The following SMC2 variants were observed in gnomAD, a reference collection of about 807,000 sequenced individuals.
The protein encoded by SMC2 is structural maintenance of chromosomes 2, also known as structural maintenance of chromosomes protein 2.
SMC2 carries 41 observed loss-of-function variants against 142.6 expected under a neutral mutation model. That is an observed-to-expected ratio of 0.29 (90% CI 0.22 to 0.37). SMC2 has a LOEUF of 0.37. SMC2 is among the 10% of genes least tolerant of loss of function. The pLI, the probability that SMC2 is intolerant of heterozygous loss-of-function variation, is 1.00. For missense variants in SMC2, 1,265 were observed against 1,373.7 expected, an observed-to-expected ratio of 0.92 and a Z score of 1.25; for synonymous variants, 463 against 457.5, an observed-to-expected ratio of 1.01 and a Z score of -0.15.
At chr9:104,113,821 G>A (rs1832765527) in intron 11 of SMC2, 143 bp from the exon 12 acceptor site, 2 of 559,300 alleles carry the variant, frequency 3.6e-6, no homozygotes, top group African/African-American at 3.9e-5. Flanking sequence ...GATAGAAATA[G>A]GAAGGTTCAG....
upstream of SMC2, among the ~76,000 whole-genome samples, chr9:104,093,964 C>T (rs1316724619): frequency 6.6e-6 from 1 of 152,216 alleles, no homozygotes; most frequent in Non-Finnish European, 1.5e-5. Context: ...TAAGCCACAG[C>T]CAGCACCGCA....
At position 104,138,191 on chromosome 9, in the gene SMC2, GTAATAGTTTAATTAGACTA is replaced by G. The variant is rs533036148; in HGVS notation, c.3417+28_3417+46del. 3,792 of 1,552,468 alleles carry G rather than the reference GTAATAGTTTAATTAGACTA, an allele frequency of 2.4e-3. 11 individuals carry two copies. Among genetic ancestry groups the G allele is most frequent in the Middle Eastern group, 3.3e-3 (19 of 5,800 alleles). On this transcript the variant is annotated intron_variant, in intron 24 of 24. Transcript: ENST00000374793. The stretch of plus-strand genomic sequence containing the variant: ...GTAAGAACCAGGAAAAAAAGTCTCA[GTAATAGTTTAATTAGACTA>G]TTTTTCTAAAACCATTCTTTAGTTA...
chr9:104,124,055 A>G (rs905200241), intron 17 of SMC2, among the ~76,000 whole-genome samples: 29 of 152,324 alleles, frequency 1.9e-4, no homozygotes, highest in Non-Finnish European at 4.0e-4. Context: ...CACAATATAC[A>G]TCAGTTGTTA....
chr9:104,092,424 T>C (rs113226687), upstream of SMC2: 488 of 152,366 alleles, frequency 3.2e-3, 4 homozygotes, highest in African/African-American at 0.011. Context: ...AAAATCACTT[T>C]ATTTCACAAC....
At chr9:104,137,298 CT>C (rs1189245946) in intron 23 of SMC2, among the ~76,000 whole-genome samples, 3 of 151,718 alleles carry the variant, frequency 2.0e-5, no homozygotes, top group African/African-American at 7.3e-5. Flanking sequence ...TAAAATAAGG[CT>C]TTTTATGAAT....
chr9:104,128,680 A>G (rs1233045756), intron 20 of SMC2, among the ~76,000 whole-genome samples: 1 of 152,228 alleles, frequency 6.6e-6, no homozygotes, highest in Non-Finnish European at 1.5e-5. Context: ...ATTAACAAGG[A>G]TTGGATTCTG....
Position 104,098,458 on chromosome 9 carries a change from G to T in SMC2, c.331G>T (p.Gly111Cys), listed in dbSNP as rs1463708870. Reference protein sequence around the residue: ...ITVTRQVVIGGRNKYLINGVN... With the variant: ...ITVTRQVVIGCRNKYLINGVN... ...CTTTCTTTTATAGGTGGTTATTGGT[G>T]GTAGAAATAAATATTTAATCAATGG... is the stretch of plus-strand genomic sequence containing the variant. The change falls in exon 4 of 25, where the codon GGT becomes TGT. Residue 111 changes from glycine to cysteine, a missense_variant. This residue lies in a region of SMC2 where 168 missense variants were observed against 184.8 expected (regional missense o/e 0.91). Transcript: ENST00000374793. 7.5e-6 allele frequency: 12 copies of T among 1,589,574 alleles called. No individual in the cohort carries two copies. Among genetic ancestry groups the T allele is most frequent in the Non-Finnish European group, 1.0e-5 (12 of 1,171,098 alleles).
At chr9:104,128,126 A>G (rs1290156063) in intron 20 of SMC2, among the ~76,000 whole-genome samples, 1 of 152,152 alleles carries the variant, frequency 6.6e-6, no homozygotes, top group East Asian at 1.9e-4. Flanking sequence ...TTTTCTTATG[A>G]GTGTGTAACA....
At chr9:104,133,828 G>A (rs186471922) in intron 22 of SMC2, among the ~76,000 whole-genome samples, 1 of 152,188 alleles carries the variant, frequency 6.6e-6, no homozygotes, top group Admixed American at 6.5e-5. Context: ...TAGGAGATGA[G>A]GCATGTAGAA....
upstream of SMC2, among the ~76,000 whole-genome samples, chr9:104,089,454 T>C (rs1013603590): frequency 8.5e-5 from 13 of 152,066 alleles, no homozygotes; most frequent in African/African-American, 3.1e-4. Flanking sequence ...AGGAGAACTA[T>C]GAAATGAGAA....
intron 15 of SMC2, among the ~76,000 whole-genome samples, chr9:104,119,618 T>C (rs555936241): frequency 2.0e-5 from 3 of 152,334 alleles, no homozygotes; most frequent in African/African-American, 4.8e-5. Flanking sequence ...TAGTCGTCTC[T>C]GTCTTGAACA....
chr9:104,099,666 A>G lies in SMC2; in HGVS notation c.464A>G (p.Asn155Ser). Residue 155 changes from asparagine to serine, a missense_variant, in exon 5 of 25, where the codon AAT becomes AGT. Transcript: ENST00000374793. ...CAGGGCCGAATTACAAAAGTATTGAATATGAAACCTCCAGAGGTAAGAGTA... is the reference window on the plus strand; with the variant it reads ...CAGGGCCGAATTACAAAAGTATTGAGTATGAAACCTCCAGAGGTAAGAGTA... ...IMQGRITKVL[N>S]MKPPEILSMI... is the part of the protein sequence containing the mutation. 3.2e-6 allele frequency: 5 copies of G among 1,569,300 alleles called. No homozygotes were observed. In the South Asian group the frequency reaches 4.4e-5, roughly 14 times the overall value.
upstream of SMC2, chr9:104,092,693 TAAAC>T (rs1162605298): frequency 1.3e-5 from 2 of 152,190 alleles, no homozygotes; most frequent in East Asian, 1.9e-4. Context: ...AATCCTTTCT[TAAAC>T]AAAAAACCCA....
upstream of SMC2, among the ~76,000 whole-genome samples, chr9:104,090,416 G>A (rs770552622): frequency 2.7e-4 from 41 of 152,038 alleles, no homozygotes; most frequent in Admixed American, 3.3e-4. Flanking sequence ...AAAACCTGGA[G>A]CCTTAGGAAT....
chr9:104,107,611 C>T (rs1385309336), intron 9 of SMC2, among the ~76,000 whole-genome samples: 4 of 152,214 alleles, frequency 2.6e-5, no homozygotes, highest in Non-Finnish European at 5.9e-5. Context: ...GTTTAGTACC[C>T]AAGAGACCTA....
chr9:104,107,864 A>G (rs1180286120), intron 9 of SMC2, among the ~76,000 whole-genome samples: 1 of 152,202 alleles, frequency 6.6e-6, no homozygotes, highest in African/African-American at 2.4e-5. Context: ...TCCACTTGGT[A>G]TGCAGTACTG....
chr9:104,097,156 C>CT (rs1249003214), intron 3 of SMC2, among the ~76,000 whole-genome samples: 2 of 125,704 alleles, frequency 1.6e-5, no homozygotes, highest in Non-Finnish European at 3.2e-5. Context: ...GAGACGGAGT[C>CT]TCGCTCTGTT....
In SMC2 at chr9:104,116,249, C is replaced by G; in HGVS notation, c.1721C>G (p.Thr574Ser). 2 of 1,609,458 alleles carry G rather than the reference C, an allele frequency of 1.2e-6. No individual in the cohort carries two copies. Among genetic ancestry groups the G allele is most frequent in the Admixed American group, 1.7e-5 (1 of 59,152 alleles). ...LERGELKRRY[T>S]IIPLNKISAR... ...AGGGGGGAACTGAAACGTCGATACACTATAATTCCACTCAATAAAATTTCA... is the reference window on the plus strand; with the variant it reads ...AGGGGGGAACTGAAACGTCGATACAGTATAATTCCACTCAATAAAATTTCA... The change falls in exon 14 of 25, where the codon ACT becomes AGT. Residue 574 changes from threonine to serine, a missense_variant. Around this residue, in one of 4 missense-constraint regions of SMC2, gnomAD observed 898 missense variants for 904.2 expected, o/e 0.99. Transcript: ENST00000374793.
At chr9:104,109,362 A>T (rs1172712293) in intron 9 of SMC2, among the ~76,000 whole-genome samples, 1 of 152,150 alleles carries the variant, frequency 6.6e-6, no homozygotes, top group East Asian at 1.9e-4. Flanking sequence ...TCTATCAACA[A>T]ATTCTGTTAA....
Sources: allele counts gnomAD v4.1 joint callset (sites outside exome capture counted in the v4.1 genomes callset), GRCh38; gene constraint gnomAD v4.1.1; regional missense constraint gnomAD v4.1.1; transcripts MANE v1.5; gene names NCBI Gene and HGNC (gene_info 2026-07-23, HGNC 2026-07-21).